Variants in ANKRD36C observed in about 807,000 individuals in gnomAD.
ANKRD36C encodes the protein ankyrin repeat domain 36C, also known as ankyrin repeat domain-containing protein 36C.
ANKRD36C carries 61 observed loss-of-function variants against 276.4 expected under a neutral mutation model. The observed-to-expected ratio is 0.22, with a 90% CI of 0.18 to 0.27. The LOEUF is 0.27. Ranked by LOEUF, ANKRD36C falls within the 10% of genes least tolerant of loss-of-function variation. The pLI is 1.00. For missense variants in ANKRD36C, 1,447 were observed against 2,032.3 expected (o/e 0.71, Z 5.54); for synonymous variants, 483 against 680.1 (o/e 0.71, Z 4.51).
chr2:95,852,181 C>T (rs1468845313), exon 65 of ANKRD36C: 26 of 1,608,146 alleles, frequency 1.6e-5, no homozygotes, highest in Non-Finnish European at 2.1e-5. Context: ...GTAAGTTGAT[C>T]CTGTATTTCT....
rs1296065881 is a variant in ANKRD36C at position 95,880,637 on chromosome 2, G to T, written c.3368-14C>A. Reference sequence around the variant, plus strand: ...TCTCAGGATACTCTAACAAGCAAGAGAAATATATAATCAATCATATGTAAA... The same window carrying T: ...TCTCAGGATACTCTAACAAGCAAGATAAATATATAATCAATCATATGTAAA... On this transcript the variant is annotated splice_polypyrimidine_tract_variant and intron_variant, in intron 56 of 66. Transcript: ENST00000456556. 9.9e-6 allele frequency: 15 copies of T among 1,518,458 alleles called. No individual in the cohort carries two copies. The highest frequency in any genetic ancestry group is 1.3e-5 in the Non-Finnish European group (14 of 1,118,590). The allele number at this position is 1,518,458 out of a possible 1,614,324, so 94.1% of individuals were successfully genotyped here.
intron 61 of ANKRD36C, among the ~76,000 whole-genome samples, chr2:95,857,900 G>C (rs1334860501): frequency 6.6e-6 from 1 of 150,952 alleles, no homozygotes; most frequent in Non-Finnish European, 1.5e-5. Flanking sequence ...TGTCTCTGAA[G>C]TCTGCTGAGA....
intron 8 of ANKRD36C, among the ~76,000 whole-genome samples, chr2:95,961,546 T>C (rs1490708582): frequency 2.6e-5 from 4 of 152,106 alleles, no homozygotes; most frequent in East Asian, 1.9e-4. Context: ...AGGATCATGT[T>C]ATTCTCTAAA....
intron 6 of ANKRD36C, among the ~76,000 whole-genome samples, chr2:95,969,758 A>G (rs891004951): frequency 1.1e-4 from 16 of 152,152 alleles, no homozygotes; most frequent in African/African-American, 3.9e-4. Flanking sequence ...ATCATCTCAC[A>G]TCAGTGCAGA....
rs554492693 is a variant in ANKRD36C at position 95,949,766 on chromosome 2, A to G, written c.1295+983T>C. Among the ~76,000 whole-genome samples the G allele has an allele frequency of 4.6e-5, 7 of 152,414 alleles. No homozygotes were observed. The East Asian group carries it at 1.3e-3, about 29-fold the overall frequency. ...CCACCTGAACAACCACTTGATCAGG[A>G]TGTTAAGCAAGGATTCAAGTATAGA... On this transcript the variant is annotated intron_variant, in intron 16 of 66. Coordinates refer to ENST00000456556, the Ensembl canonical transcript of ANKRD36C.
chr2:95,984,538 C>T (rs960621496), intron 3 of ANKRD36C, among the ~76,000 whole-genome samples: 10 of 152,168 alleles, frequency 6.6e-5, no homozygotes, highest in Non-Finnish European at 5.9e-5. Flanking sequence ...TTGTATGTAA[C>T]GCAAGTATTT....
Position 95,910,448 on chromosome 2 carries a change from G to A in ANKRD36C, c.2653+1796C>T, listed in dbSNP as rs747908696. 6.4e-7 allele frequency: 1 copy of A among 1,572,838 alleles called. No homozygotes were observed. The highest frequency in any genetic ancestry group is 8.6e-7 in the Non-Finnish European group (1 of 1,159,494). On this transcript the variant is annotated intron_variant, in intron 42 of 66. Transcript: ENST00000456556. ...GAATCTTCCTCGTCACTTGTAGCCT[G>A]AATAGAATTTGAAACGAAATAATAA... is the stretch of plus-strand genomic sequence containing the variant.
At chr2:95,860,572 A>G (rs1230335215) in intron 60 of ANKRD36C, among the ~76,000 whole-genome samples, 4 of 152,252 alleles carry the variant, frequency 2.6e-5, no homozygotes, top group Non-Finnish European at 4.4e-5. Context: ...GAATGAATAA[A>G]AAACAAAACA....
At chr2:95,965,796 A>G (rs1480309346) in intron 6 of ANKRD36C, among the ~76,000 whole-genome samples, 5 of 151,916 alleles carry the variant, frequency 3.3e-5, no homozygotes, top group African/African-American at 4.8e-5. Flanking sequence ...TATATATATC[A>G]CTGATTTTAC....
At chr2:95,911,800 G>A (rs919575374) in intron 42 of ANKRD36C, among the ~76,000 whole-genome samples, 4 of 151,374 alleles carry the variant, frequency 2.6e-5, no homozygotes, top group Non-Finnish European at 5.9e-5. Context: ...GTCTTCATTC[G>A]GAAATTAATT....
chr2:95,951,963 GAC>G (rs569795827), intron 14 of ANKRD36C, among the ~76,000 whole-genome samples: 1 of 151,822 alleles, frequency 6.6e-6, no homozygotes, highest in African/African-American at 2.4e-5. Context: ...TTCCAAAAAA[GAC>G]AGAAAAAAGC....
chr2:95,943,583 T>C (rs1677956975), intron 19 of ANKRD36C, among the ~76,000 whole-genome samples: 1 of 151,406 alleles, frequency 6.6e-6, no homozygotes, highest in Non-Finnish European at 1.5e-5. Flanking sequence ...TTCCCTCTTA[T>C]TATCAAAAAA....
chr2:95,984,601 C>G (rs925343109), intron 3 of ANKRD36C, among the ~76,000 whole-genome samples: 1 of 151,912 alleles, frequency 6.6e-6, no homozygotes, highest in Non-Finnish European at 1.5e-5. Context: ...CCAAAATAGG[C>G]CCAAGAATGC....
chr2:95,956,906 A>G lies in ANKRD36C; in HGVS notation c.1106-90T>C, dbSNP rs1678340861. The G allele has an allele frequency of 2.9e-5, 37 of 1,286,052 alleles. No homozygotes were observed. The South Asian group carries it at 4.7e-4, about 16-fold the overall frequency. 79.7% of individuals were successfully genotyped at this position (1,286,052 alleles called of 1,614,324 possible). The stretch of plus-strand genomic sequence containing the variant: ...TAAAAGAGCACAGTGACTTGTTCCT[A>G]TAATCTCAGCTACTCAAAAGGCTGA... On this transcript the variant is annotated intron_variant, in intron 12 of 66. Transcript: ENST00000456556.
Position 95,919,690 on chromosome 2 carries a change from T to C in ANKRD36C, c.2246-1648A>G, listed in dbSNP as rs575005854. 221 of 837,502 alleles carry C rather than the reference T, an allele frequency of 2.6e-4. 45 individuals are homozygous for C. The highest frequency in any genetic ancestry group is 1.6e-3 in the East Asian group (10 of 6,270). The allele number at this position is 837,502 out of a possible 1,614,324, so 51.9% of individuals were successfully genotyped here. A position where few individuals can be genotyped will look rare whatever the true frequency, so the allele number is the denominator to read the frequency against. ...TTATTCGGGATAGAGAAGTTCTTTT[T>C]TATCTGGATTGAACATGACATTGAA... On this transcript the variant is annotated intron_variant, in intron 34 of 66. Coordinates refer to ENST00000456556, the Ensembl canonical transcript of ANKRD36C.
At chr2:95,986,575 T>C (rs1199182498) in intron 3 of ANKRD36C, 176 bp downstream of exon 3, 8 of 831,930 alleles carry the variant, frequency 9.6e-6, no homozygotes, top group Non-Finnish European at 1.4e-5. Context: ...TTCCTTATAA[T>C]GCTTCTTTAA....
At chr2:95,966,869 G>A (rs1242888840) in intron 6 of ANKRD36C, among the ~76,000 whole-genome samples, 2 of 151,964 alleles carry the variant, frequency 1.3e-5, no homozygotes, top group African/African-American at 4.8e-5. Context: ...CCTTAAAGAG[G>A]TCCTTCAAAT....
chr2:95,922,303 C>G (rs116671845), intron 32 of ANKRD36C, among the ~76,000 whole-genome samples: 6 of 151,754 alleles, frequency 4.0e-5, no homozygotes, highest in African/African-American at 1.4e-4. Context: ...CACCTCATGT[C>G]TCTGTCTCTT....
At chr2:95,933,109 C>T (rs1265080840) in intron 24 of ANKRD36C, among the ~76,000 whole-genome samples, 3 of 152,380 alleles carry the variant, frequency 2.0e-5, no homozygotes, top group East Asian at 1.9e-4. Context: ...TATGGTGTTA[C>T]TTCTGAGGCC....
Sources: allele counts gnomAD v4.1 joint callset (sites outside exome capture counted in the v4.1 genomes callset), GRCh38; gene constraint gnomAD v4.1.1; transcripts MANE v1.5; gene names NCBI Gene and HGNC (gene_info 2026-07-23, HGNC 2026-07-21).